SPAG16: variants seen among roughly 807,000 people sequenced by gnomAD.
SPAG16 encodes sperm associated antigen 16.
In SPAG16, 86 loss-of-function variants were observed where a neutral mutation model predicts 80.4. The ratio of observed to expected loss-of-function variants is 1.07; its 90% CI spans 0.90 to 1.28. The LOEUF (loss-of-function observed/expected upper bound fraction) is 1.28, where lower values mean the gene tolerates loss of function less well. Ranked by LOEUF, SPAG16 falls within the 50% of genes most tolerant of loss-of-function variation. SPAG16 has a pLI of 0.00. For missense variants in SPAG16, 870 were observed against 765.3 expected (o/e 1.14, Z -1.61); for synonymous variants, 294 against 265.9 (o/e 1.11, Z -1.03).
chr2:214,278,409 G>T (rs1692638323), intron 15 of SPAG16, among the ~76,000 whole-genome samples: 1 of 152,066 alleles, frequency 6.6e-6, no homozygotes, highest in South Asian at 2.1e-4. Context: ...AATCATGCTG[G>T]GAGCTGCAGA....
intron 11 of SPAG16, among the ~76,000 whole-genome samples, chr2:213,919,958 A>T (rs1373765184): frequency 2.0e-5 from 3 of 151,976 alleles, no homozygotes; most frequent in Non-Finnish European, 2.9e-5. Flanking sequence ...TTGCTTTATG[A>T]CTCTGGTTGC....
chr2:213,942,768 G>A (rs1470228068), intron 12 of SPAG16, among the ~76,000 whole-genome samples: 2 of 152,178 alleles, frequency 1.3e-5, no homozygotes, highest in Non-Finnish European at 1.5e-5. Context: ...TAGAGTTCAT[G>A]TGGGAGGGGA....
chr2:213,846,028 A>T (rs1011937493), intron 10 of SPAG16, among the ~76,000 whole-genome samples: 1 of 152,226 alleles, frequency 6.6e-6, no homozygotes, highest in Non-Finnish European at 1.5e-5. Context: ...CTAGCATCTC[A>T]TTGGCTAGTG....
At chr2:213,791,948 A>G (rs1374077284) in intron 10 of SPAG16, among the ~76,000 whole-genome samples, 1 of 152,206 alleles carries the variant, frequency 6.6e-6, no homozygotes, top group Non-Finnish European at 1.5e-5. Context: ...TTAACATATT[A>G]AAGACTGAGT....
At position 213,786,227 on chromosome 2, in the gene SPAG16, C is replaced by A. The variant is rs538309666; in HGVS notation, c.1071-76258C>A. 9.7e-4 allele frequency among the ~76,000 whole-genome samples: 148 copies of A among 152,208 alleles called. 1 individual carries two copies. The highest frequency in any genetic ancestry group is 3.4e-3 in the African/African-American group (141 of 41,552). ...AGGAAACTTTCATCGTCCCATTTAA[C>A]ATTTGCGCTTCTGTCGTAAAAGAAT... On this transcript the variant is annotated intron_variant, in intron 10 of 15. Coordinates refer to ENST00000331683, the MANE Select transcript of SPAG16 (RefSeq NM_024532.5).
At chr2:213,872,790 G>T (rs1196013876) in intron 11 of SPAG16, among the ~76,000 whole-genome samples, 1 of 152,110 alleles carries the variant, frequency 6.6e-6, no homozygotes, top group Admixed American at 6.6e-5. Flanking sequence ...TGTTGATCAT[G>T]AGAGGATGTT....
At chr2:213,729,231 T>C (rs1046801223) in intron 10 of SPAG16, among the ~76,000 whole-genome samples, 1 of 152,174 alleles carries the variant, frequency 6.6e-6, no homozygotes, top group Non-Finnish European at 1.5e-5. Flanking sequence ...CCAAAGAATA[T>C]TCTTTAAGAA....
At chr2:213,946,366 G>A (rs879269126) in intron 12 of SPAG16, among the ~76,000 whole-genome samples, 10 of 152,004 alleles carry the variant, frequency 6.6e-5, no homozygotes, top group Non-Finnish European at 1.3e-4. Context: ...ACCTGCCTCG[G>A]CCTCCCAGAG....
chr2:213,884,847 T>C (rs1004942062), intron 11 of SPAG16, among the ~76,000 whole-genome samples: 1 of 152,246 alleles, frequency 6.6e-6, no homozygotes, highest in African/African-American at 2.4e-5. Context: ...AAGTTCAGTT[T>C]GGTTATTTCT....
chr2:214,013,263 A>G (rs987989023), intron 12 of SPAG16, among the ~76,000 whole-genome samples: 22 of 150,938 alleles, frequency 1.5e-4, no homozygotes, highest in African/African-American at 4.6e-4. Context: ...TTCAATACAT[A>G]TCTGTGGTGT....
At chr2:213,514,810 C>A (rs2075362426) in intron 10 of SPAG16, among the ~76,000 whole-genome samples, 1 of 151,772 alleles carries the variant, frequency 6.6e-6, no homozygotes, top group Non-Finnish European at 1.5e-5. Context: ...CTCTAATAAC[C>A]TAGATAATTA....
At chr2:214,269,558 A>T (rs1559169079) in intron 15 of SPAG16, among the ~76,000 whole-genome samples, 1 of 152,022 alleles carries the variant, frequency 6.6e-6, no homozygotes, top group Admixed American at 6.6e-5. Context: ...AAATGCAATA[A>T]ATTTAGTGTA....
intron 15 of SPAG16, among the ~76,000 whole-genome samples, chr2:214,173,888 G>T (rs1402182875): frequency 6.6e-6 from 1 of 151,844 alleles, no homozygotes; most frequent in Non-Finnish European, 1.5e-5. Context: ...TGATCAAGTG[G>T]GCTTCATCCC....
intron 10 of SPAG16, among the ~76,000 whole-genome samples, chr2:213,767,673 A>ACACACACACG (rs780419673): frequency 6.6e-6 from 1 of 151,648 alleles, no homozygotes; most frequent in Non-Finnish European, 1.5e-5. Context: ...ACACACACAC[A>ACACACACACG]CACACAAAAT....
intron 9 of SPAG16, among the ~76,000 whole-genome samples, chr2:213,470,357 C>G (rs113720931): frequency 0.021 from 3,135 of 152,244 alleles, 42 homozygotes; most frequent in Middle Eastern, 0.051. Flanking sequence ...TGTGGAATAA[C>G]ATGATGATGG....
intron 15 of SPAG16, among the ~76,000 whole-genome samples, chr2:214,379,198 T>TA (rs1288201624): frequency 6.6e-6 from 1 of 152,236 alleles, no homozygotes; most frequent in Non-Finnish European, 1.5e-5. Context: ...TAATATGTTT[T>TA]ATAAATATCC....
chr2:213,717,155 C>CTTTTT (rs1339762204), intron 10 of SPAG16, among the ~76,000 whole-genome samples: 3 of 139,166 alleles, frequency 2.2e-5, no homozygotes, highest in Non-Finnish European at 3.2e-5. Flanking sequence ...AGAAACTTTT[C>CTTTTT]ATTTTTTTTT....
chr2:213,346,993 C>T (rs112476549), intron 6 of SPAG16, among the ~76,000 whole-genome samples: 13 of 152,218 alleles, frequency 8.5e-5, no homozygotes, highest in South Asian at 2.1e-4. Context: ...TGGTAGAATT[C>T]GGCTGTGAAT....
chr2:214,140,263 T>A (rs1023201471), intron 14 of SPAG16, among the ~76,000 whole-genome samples: 1 of 151,886 alleles, frequency 6.6e-6, no homozygotes, highest in Non-Finnish European at 1.5e-5. Context: ...TTTGTGTTTT[T>A]TTCTTTTAGC....
Sources: allele counts gnomAD v4.1 joint callset (sites outside exome capture counted in the v4.1 genomes callset), GRCh38; gene constraint gnomAD v4.1.1; transcripts MANE v1.5; gene names NCBI Gene and HGNC (gene_info 2026-07-23, HGNC 2026-07-21).